Variants in ZRANB3 observed in about 807,000 individuals in gnomAD.
The protein encoded by ZRANB3 is DNA annealing helicase and endonuclease ZRANB3.
ZRANB3 carries 125 observed loss-of-function variants against 133.8 expected under a neutral mutation model. That is an observed-to-expected ratio of 0.93 (90% CI 0.81 to 1.08). The LOEUF (loss-of-function observed/expected upper bound fraction) is 1.08, where lower values mean the gene tolerates loss of function less well. Ranked by LOEUF, ZRANB3 falls within the 50% of genes least tolerant of loss-of-function variation. The pLI is 0.00. For synonymous variants in ZRANB3, 387 were observed against 432.7 expected, an observed-to-expected ratio of 0.89 and a Z score of 1.31; for missense variants, 1,229 against 1,275.5, an observed-to-expected ratio of 0.96 and a Z score of 0.56.
rs773111737 is a variant in ZRANB3, at chr2:135,230,689, G to A, written c.1778C>T (p.Thr593Ile). 1 of 1,613,154 alleles carries A rather than the reference G, an allele frequency of 6.2e-7. No individual in the cohort carries two copies. The highest frequency in any genetic ancestry group is 1.7e-5 in the Admixed American group (1 of 59,890). The stretch of plus-strand genomic sequence containing the variant: ...TCGGATTTGCTTGGACTGGGATGGT[G>A]TCTCTTCCGACGGACTGCAGTGGTC... The part of the protein sequence containing the change: ...SEDHCSPSEE[T>I]PSQSKQIRTP... The change falls in exon 13 of 21, where the codon ACA becomes ATA. Residue 593 changes from threonine to isoleucine, a missense_variant. Transcript: ENST00000264159.
chr2:135,420,805 A>G (rs1455022462), intron 2 of ZRANB3, among the ~76,000 whole-genome samples: 2 of 152,174 alleles, frequency 1.3e-5, no homozygotes, highest in Non-Finnish European at 2.9e-5. Flanking sequence ...TATAAGTACT[A>G]TAGAAAAAGA....
At chr2:135,481,436 T>A (rs1009946873) in intron 2 of ZRANB3, among the ~76,000 whole-genome samples, 15 of 152,236 alleles carry the variant, frequency 9.9e-5, no homozygotes, top group Non-Finnish European at 4.4e-5. Flanking sequence ...TCTGTTCATA[T>A]CCTTTGCCCA....
chr2:135,308,703 G>GT (rs1682820159), intron 8 of ZRANB3, among the ~76,000 whole-genome samples: 1 of 152,008 alleles, frequency 6.6e-6, no homozygotes, highest in African/African-American at 2.4e-5. Flanking sequence ...TAAGCTGAAG[G>GT]GACTCTCCTA....
At chr2:135,310,402 T>C (rs1216807614) in intron 8 of ZRANB3, among the ~76,000 whole-genome samples, 1 of 152,170 alleles carries the variant, frequency 6.6e-6, no homozygotes, top group Non-Finnish European at 1.5e-5. Context: ...TAGTCTTCTG[T>C]GTTTTGATGA....
rs1044943187 is a variant in ZRANB3 at position 135,230,923 on chromosome 2, T to C, written c.1544A>G (p.Glu515Gly). 1.3e-6 allele frequency: 2 copies of C among 1,543,224 alleles called. No homozygotes were observed. The highest frequency in any genetic ancestry group is 8.7e-7 in the Non-Finnish European group (1 of 1,147,260). The change falls in exon 13 of 21, where the codon GAA (glutamate) becomes GGA (glycine). Residue 515 changes from glutamate to glycine, a missense_variant. Physicochemically the swap from Glu to Gly is moderately conservative, Grantham distance 98 (BLOSUM62 -2). Coordinates refer to ENST00000264159, the MANE Select transcript of ZRANB3 (RefSeq NM_032143.4). The stretch of plus-strand genomic sequence containing the variant: ...TCGAATATCATGCTGTTTTTCTTTT[T>C]CGAACTAGGAAAAGCAAACAGTAGT... Reference protein sequence around the residue: ...LRKEALFTHFEKEKQHDIRSF... With the variant: ...LRKEALFTHFGKEKQHDIRSF...
rs566664584 is a variant in ZRANB3 at position 135,460,567 on chromosome 2, G to A, written c.161+43762C>T. Among the ~76,000 whole-genome samples the A allele has an allele frequency of 2.8e-4, 43 of 151,928 alleles. No homozygotes were observed. In the South Asian group the frequency reaches 7.7e-3, roughly 27 times the overall value. ...CAGGTGTGAGCCACCGAGCCTGGAC[G>A]AAACGGCTAACTTTTGAACCTGAAA... On this transcript the variant is annotated intron_variant, in intron 2 of 20. Transcript: ENST00000264159.
At chr2:135,470,859 T>G (rs35710768) in intron 2 of ZRANB3, among the ~76,000 whole-genome samples, 1 of 149,892 alleles carries the variant, frequency 6.7e-6, no homozygotes, top group African/African-American at 2.5e-5. Flanking sequence ...TGGAGTGCAG[T>G]GGCGCAATCT....
At chr2:135,221,638 TTC>T (rs1694558157) in intron 15 of ZRANB3, among the ~76,000 whole-genome samples, 1 of 152,214 alleles carries the variant, frequency 6.6e-6, no homozygotes, top group Non-Finnish European at 1.5e-5. Context: ...TTGGGACCAT[TTC>T]TCTGTCCCTC....
chr2:135,395,918 A>C (rs1350144536), intron 2 of ZRANB3, among the ~76,000 whole-genome samples: 2 of 152,226 alleles, frequency 1.3e-5, no homozygotes, highest in Non-Finnish European at 2.9e-5. Context: ...CAAACTATCC[A>C]TCTGACAAGG....
intron 2 of ZRANB3, among the ~76,000 whole-genome samples, chr2:135,418,159 A>AAAAT (rs1236310618): frequency 6.6e-6 from 1 of 152,206 alleles, no homozygotes; most frequent in Admixed American, 6.5e-5. Context: ...ATACAAATAA[A>AAAAT]AAATACAGTA....
chr2:135,260,281 G>T (rs993233120), intron 12 of ZRANB3, among the ~76,000 whole-genome samples: 1 of 152,286 alleles, frequency 6.6e-6, no homozygotes, highest in African/African-American at 2.4e-5. Context: ...GGAAGAAGCA[G>T]TGGAAATTGG....
At chr2:135,266,122 TC>T (rs548486831) in intron 11 of ZRANB3, among the ~76,000 whole-genome samples, 290 of 152,122 alleles carry the variant, frequency 1.9e-3, no homozygotes, top group African/African-American at 6.6e-3. Context: ...GGCAGAAGAA[TC>T]CCTTGAACTC....
Position 135,301,919 on chromosome 2 carries a change from T to C in ZRANB3, c.966+11570A>G, listed in dbSNP as rs1016060780. 2.0e-5 allele frequency among the ~76,000 whole-genome samples: 3 copies of C among 152,200 alleles called. No individual in the cohort carries two copies. In the East Asian group the frequency reaches 5.8e-4, roughly 29 times the overall value. ...ACCTCCCTAGCACCTTGCCACATAG[T>C]AGGCAATCAATAAATATGTACTGAA... On this transcript the variant is annotated intron_variant, in intron 8 of 20. Transcript: ENST00000264159.
intron 2 of ZRANB3, among the ~76,000 whole-genome samples, chr2:135,449,267 G>A (rs1424281206): frequency 2.0e-5 from 3 of 152,148 alleles, no homozygotes; most frequent in Admixed American, 2.0e-4. Flanking sequence ...GAGAAATCCC[G>A]AGTGAACCCA....
chr2:135,322,669 G>A, intron 6 of ZRANB3, among the ~76,000 whole-genome samples: 1 of 152,102 alleles, frequency 6.6e-6, no homozygotes, highest in Non-Finnish European at 1.5e-5. Flanking sequence ...AGTAAGCTAT[G>A]ATTGTGCTAC....
chr2:135,402,059 CTATAAG>C lies in ZRANB3; in HGVS notation c.162-11245_162-11240del, dbSNP rs1253935364. ...ATATTTTGAAAATATTTCCTAAAAG[CTATAAG>C]TATATGAAATTTTTTAACCTAGTTT... On this transcript the variant is annotated intron_variant, in intron 2 of 20. Transcript: ENST00000264159. Among the ~76,000 whole-genome samples the C allele has an allele frequency of 7.2e-5, 11 of 151,822 alleles. No homozygotes were observed. The South Asian group carries it at 2.1e-3, about 29-fold the overall frequency.
At chr2:135,414,583 T>G (rs1336775580) in intron 2 of ZRANB3, among the ~76,000 whole-genome samples, 1 of 152,134 alleles carries the variant, frequency 6.6e-6, no homozygotes, top group Non-Finnish European at 1.5e-5. Context: ...GGGATTGAAC[T>G]CAGCTCTGCA....
intron 1 of ZRANB3, among the ~76,000 whole-genome samples, chr2:135,520,380 G>A (rs1279330581): frequency 6.6e-6 from 1 of 150,872 alleles, no homozygotes; most frequent in African/African-American, 2.4e-5. Flanking sequence ...GGGTGACAGA[G>A]TAAGACTCCA....
intron 3 of ZRANB3, among the ~76,000 whole-genome samples, chr2:135,369,995 C>G (rs369331925): frequency 6.6e-6 from 1 of 151,464 alleles, no homozygotes; most frequent in Non-Finnish European, 1.5e-5. Flanking sequence ...GCTATACACC[C>G]CCACTCATCC....
Sources: gnomAD v4.1 joint callset for allele counts (sites outside exome capture counted in the v4.1 genomes callset) on GRCh38, gnomAD v4.1.1 for gene constraint, MANE v1.5 for transcripts, NCBI Gene and HGNC (gene_info 2026-07-23, HGNC 2026-07-21) for gene names.